Variants in NUP160 observed in about 807,000 individuals in gnomAD.
NUP160 encodes nucleoporin 160, also known as nuclear pore complex protein Nup160.
Under a neutral mutation model 196.9 loss-of-function variants are expected in NUP160, and 94 were observed. The observed-to-expected ratio is 0.48, with a 90% CI of 0.40 to 0.57. The LOEUF (loss-of-function observed/expected upper bound fraction) is 0.57, where lower values mean the gene tolerates loss of function less well. NUP160 is among the 20% of genes least tolerant of loss of function. The pLI, the probability that NUP160 is intolerant of heterozygous loss-of-function variation, is 0.00. For missense variants in NUP160, 1,638 were observed against 1,748.3 expected, an observed-to-expected ratio of 0.94 and a Z score of 1.13; for synonymous variants, 605 against 619.7, an observed-to-expected ratio of 0.98 and a Z score of 0.35.
At chr11:47,811,925 T>C in intron 17 of NUP160, 139 bp downstream of exon 17, 1 of 680,790 alleles carries the variant, frequency 1.5e-6, no homozygotes, top group Non-Finnish European at 2.5e-6. Context: ...GAGCATCTCA[T>C]AAGGCCAAGC....
chr11:47,815,954 C>T (rs2097684174), exon 12 of NUP160: 1 of 1,612,296 alleles, frequency 6.2e-7, no homozygotes, highest in Admixed American at 1.7e-5. Context: ...ACCTCATTTT[C>T]AACAGCTAAA....
intron 21 of NUP160, chr11:47,804,183 G>GA (rs75867410): frequency 0.28 from 41,783 of 147,720 alleles, 6,356 homozygotes; most frequent in Middle Eastern, 0.38. Flanking sequence ...TCCGTTTCAG[G>GA]AAAAAAAAAA....
chr11:47,845,842 A>T (rs1852390373), intron 2 of NUP160, among the ~76,000 whole-genome samples: 4 of 151,994 alleles, frequency 2.6e-5, no homozygotes, highest in East Asian at 1.9e-4. Context: ...GGCTTATTTT[A>T]AAAAATCAGG....
At chr11:47,830,820 C>G (rs1233691276) in intron 7 of NUP160, among the ~76,000 whole-genome samples, 1 of 151,862 alleles carries the variant, frequency 6.6e-6, no homozygotes, top group Non-Finnish European at 1.5e-5. Context: ...ATGAGTTCAC[C>G]TATGTAATAA....
chr11:47,845,079 A>G (rs1317217122), intron 2 of NUP160, among the ~76,000 whole-genome samples: 1 of 152,154 alleles, frequency 6.6e-6, no homozygotes, highest in Non-Finnish European at 1.5e-5. Context: ...TCAAGAAATA[A>G]CCATAAAAAT....
intron 35 of NUP160, among the ~76,000 whole-genome samples, chr11:47,779,765 C>T (rs1836082487): frequency 6.6e-6 from 1 of 152,140 alleles, no homozygotes; most frequent in Non-Finnish European, 1.5e-5. Context: ...TCTCACTCTG[C>T]TGTCTAGGAT....
chr11:47,831,973 C>T (rs1345620366), intron 7 of NUP160, among the ~76,000 whole-genome samples: 1 of 138,024 alleles, frequency 7.2e-6, no homozygotes, highest in African/African-American at 2.7e-5. Context: ...GCAATCTCTG[C>T]TCACTGCAAC....
intron 4 of NUP160, among the ~76,000 whole-genome samples, chr11:47,838,063 A>G (rs528508236): frequency 3.9e-5 from 6 of 152,336 alleles, no homozygotes; most frequent in Non-Finnish European, 7.4e-5. Flanking sequence ...AATGGTAGTA[A>G]GTCAGAAAAA....
intron 11 of NUP160, among the ~76,000 whole-genome samples, 156 bp from the exon 12 acceptor site, chr11:47,816,185 G>GT: frequency 6.6e-6 from 1 of 152,328 alleles, no homozygotes; most frequent in South Asian, 2.1e-4. Flanking sequence ...GAAACTGGGT[G>GT]TATTTAGTCT....
Position 47,842,780 on chromosome 11 carries a change from A to C in NUP160, c.315-2192T>G, listed in dbSNP as rs116288642. 9.6e-3 allele frequency among the ~76,000 whole-genome samples: 1,465 copies of C among 152,250 alleles called. 26 individuals carry two copies. Among genetic ancestry groups the C allele is most frequent in the African/African-American group, 0.034 (1,395 of 41,534 alleles). ...CAAGACAGGAGGATTTCTTCAGCCC[A>C]GGAGTACGAGATCAGCCTGGGCAAC... On this transcript the variant is annotated intron_variant, in intron 2 of 35. Coordinates refer to ENST00000378460, the Ensembl canonical transcript of NUP160.
chr11:47,818,109 T>C, exon 11 of NUP160: 1 of 1,610,800 alleles, frequency 6.2e-7, no homozygotes, highest in Non-Finnish European at 8.5e-7. Flanking sequence ...GTAAAAAGAC[T>C]TTGCAGATAC....
intron 11 of NUP160, among the ~76,000 whole-genome samples, chr11:47,817,844 T>C (rs1394078204): frequency 1.3e-5 from 2 of 152,184 alleles, no homozygotes; most frequent in African/African-American, 2.4e-5. Flanking sequence ...CACTGATTAC[T>C]GGGAAAGTGG....
chr11:47,796,254 G>T (rs2097670866), intron 27 of NUP160: 2 of 663,332 alleles, frequency 3.0e-6, no homozygotes, highest in Non-Finnish European at 2.8e-6. Flanking sequence ...ACAGAGCACA[G>T]TAGGATCAAT....
intron 7 of NUP160, among the ~76,000 whole-genome samples, chr11:47,826,725 G>T (rs1256497218): frequency 2.0e-5 from 3 of 151,994 alleles, no homozygotes; most frequent in Admixed American, 6.6e-5. Flanking sequence ...ACCACGCTTG[G>T]CTAATTTTTG....
chr11:47,802,014 A>G, intron 22 of NUP160, 84 bp from the exon 23 acceptor site: 1 of 1,335,790 alleles, frequency 7.5e-7, no homozygotes, highest in Non-Finnish European at 1.0e-6. Context: ...TGTAAGGGAA[A>G]GCCAAAAAAG....
At chr11:47,815,398 T>G (rs2097683813) in intron 13 of NUP160, 81 bp downstream of exon 13, 2 of 1,157,384 alleles carry the variant, frequency 1.7e-6, no homozygotes, top group South Asian at 4.1e-5. Flanking sequence ...GCCACTGAAC[T>G]TTTTGTTTTC....
chr11:47,841,427 T>C, intron 2 of NUP160: 1 of 455,132 alleles, frequency 2.2e-6, no homozygotes, highest in Non-Finnish European at 4.2e-6. Flanking sequence ...TCCACTTGGT[T>C]CACAGGCGCC....
At chr11:47,784,119 C>T (rs202164497) in intron 33 of NUP160, among the ~76,000 whole-genome samples, 16 of 152,214 alleles carry the variant, frequency 1.1e-4, no homozygotes, top group East Asian at 9.6e-4. Context: ...ATCCTACTAA[C>T]GGTGGTTCAG....
At position 47,807,270 on chromosome 11, in the gene NUP160, A is replaced by C. The variant is rs148901901; in HGVS notation, c.2376-130T>G. 144 of 621,462 alleles carry C rather than the reference A, an allele frequency of 2.3e-4. 1 individual carries two copies. In the East Asian group the frequency reaches 3.4e-3, roughly 15 times the overall value. The allele number at this position is 621,462 out of a possible 1,614,324, so 38.5% of individuals were successfully genotyped here. A position where few individuals can be genotyped will look rare whatever the true frequency, so the allele number is the denominator to read the frequency against. On this transcript the variant is annotated intron_variant, in intron 18 of 35. Transcript: ENST00000378460. ...ACATAAAAGCTCCACTGAAAGCACAAAAAAAATTGGAAATCATTATAATAT... is the reference window on the plus strand; with the variant it reads ...ACATAAAAGCTCCACTGAAAGCACACAAAAAATTGGAAATCATTATAATAT...
Sources: gnomAD v4.1 joint callset for allele counts (sites outside exome capture counted in the v4.1 genomes callset) on GRCh38, gnomAD v4.1.1 for gene constraint, MANE v1.5 for transcripts, NCBI Gene and HGNC (gene_info 2026-07-23, HGNC 2026-07-21) for gene names.